The following SH3BP5 variants were observed in gnomAD, a reference collection of about 807,000 sequenced individuals.
SH3BP5 encodes the protein SH3 domain-binding protein 5.
A neutral mutation model predicts 43.3 loss-of-function variants in SH3BP5; 22 were observed. The observed-to-expected ratio is 0.51, with a 90% confidence interval of 0.36 to 0.73. SH3BP5 has a LOEUF of 0.73. SH3BP5 is among the 30% of genes least tolerant of loss of function. The probability of loss-of-function intolerance (pLI) is 0.00; values close to 1 mark genes in which losing one functional copy is unlikely to be tolerated. For missense variants in SH3BP5, 529 were observed against 586.9 expected (o/e 0.90, Z 1.02); for synonymous variants, 255 against 225.8 (o/e 1.13, Z -1.16).
intron 3 of SH3BP5, among the ~76,000 whole-genome samples, chr3:15,275,461 C>T (rs1287082331): frequency 6.6e-6 from 1 of 152,156 alleles, no homozygotes; most frequent in Admixed American, 6.5e-5. Flanking sequence ...AGGCCCCAGG[C>T]CCTGGTATTT....
At chr3:15,288,859 T>A (rs1480555912) in intron 3 of SH3BP5, among the ~76,000 whole-genome samples, 1 of 152,232 alleles carries the variant, frequency 6.6e-6, no homozygotes, top group Non-Finnish European at 1.5e-5. Flanking sequence ...AAAGTATGAA[T>A]GAATGGATTC....
chr3:15,298,848 G>C (rs1311434773), intron 3 of SH3BP5, among the ~76,000 whole-genome samples: 1 of 152,062 alleles, frequency 6.6e-6, no homozygotes, highest in Non-Finnish European at 1.5e-5. Context: ...TTTCAGTCTG[G>C]GAAGATGCAA....
At chr3:15,295,405 TC>T (rs1697540640) in intron 3 of SH3BP5, among the ~76,000 whole-genome samples, 1 of 152,208 alleles carries the variant, frequency 6.6e-6, no homozygotes, top group South Asian at 2.1e-4. Flanking sequence ...GTTTTGGCTC[TC>T]ATACTGTACA....
chr3:15,260,968 G>A (rs1209548845), intron 5 of SH3BP5, among the ~76,000 whole-genome samples: 1 of 152,162 alleles, frequency 6.6e-6, no homozygotes, highest in Non-Finnish European at 1.5e-5. Flanking sequence ...TGAATTCGGG[G>A]TCTTTTGAGA....
intron 2 of SH3BP5, among the ~76,000 whole-genome samples, chr3:15,325,823 C>T (rs1216560205): frequency 6.6e-6 from 1 of 152,152 alleles, no homozygotes; most frequent in African/African-American, 2.4e-5. Context: ...GAGTTTGAAA[C>T]CGGCCTGGCC....
intron 3 of SH3BP5, among the ~76,000 whole-genome samples, chr3:15,299,280 A>T (rs1559446748): frequency 6.6e-6 from 1 of 152,130 alleles, no homozygotes; most frequent in Non-Finnish European, 1.5e-5. Context: ...AAAACTCTCA[A>T]ATCAAAGCCA....
At chr3:15,267,968 G>A (rs1173610790) in intron 4 of SH3BP5, among the ~76,000 whole-genome samples, 1 of 152,218 alleles carries the variant, frequency 6.6e-6, no homozygotes, top group Non-Finnish European at 1.5e-5. Flanking sequence ...TAATTTCTTG[G>A]AAGAAGCTAC....
intron 1 of SH3BP5, among the ~76,000 whole-genome samples, chr3:15,337,758 A>G (rs1025757993): frequency 6.7e-6 from 1 of 150,356 alleles, no homozygotes; most frequent in African/African-American, 2.4e-5. Flanking sequence ...CCAAAAAAAA[A>G]TTTTTAATTA....
In SH3BP5 at chr3:15,314,640, A is replaced by G. The variant is rs566583474; in HGVS notation, c.202-10409T>C. Among the ~76,000 whole-genome samples the G allele has an allele frequency of 3.9e-5, 6 of 152,364 alleles. No individual in the cohort carries two copies. In the South Asian group the frequency reaches 1.0e-3, roughly 26 times the overall value. On this transcript the variant is annotated intron_variant, in intron 2 of 8. Coordinates refer to ENST00000383791, the MANE Select transcript of SH3BP5 (RefSeq NM_004844.5). ...GGAGCCAGCCACAACACTCCTGCTC[A>G]TGGCATAGGCCCAATTCCACAGCAG...
At chr3:15,313,689 C>T (rs557216975) in intron 2 of SH3BP5, among the ~76,000 whole-genome samples, 4 of 152,324 alleles carry the variant, frequency 2.6e-5, no homozygotes, top group East Asian at 3.9e-4. Flanking sequence ...TGCTGGCTGA[C>T]GGAACTTCTG....
chr3:15,304,077 G>C, intron 3 of SH3BP5, 26 bp downstream of exon 3: 2 of 1,599,894 alleles, frequency 1.3e-6, no homozygotes, highest in Non-Finnish European at 1.7e-6. Context: ...CTCGAGGTAG[G>C]GGAGACATCT....
intron 3 of SH3BP5, among the ~76,000 whole-genome samples, chr3:15,279,724 C>A (rs1395593371): frequency 6.6e-6 from 1 of 152,098 alleles, no homozygotes; most frequent in Non-Finnish European, 1.5e-5. Flanking sequence ...GCAAGACAAT[C>A]CCTACTGCCA....
intron 2 of SH3BP5, among the ~76,000 whole-genome samples, chr3:15,310,148 G>C (rs560904829): frequency 6.6e-6 from 1 of 152,260 alleles, no homozygotes; most frequent in East Asian, 1.9e-4. Context: ...CGATGAGCAG[G>C]GGCGATAGAC....
At chr3:15,324,706 G>C (rs1698416376) in intron 2 of SH3BP5, among the ~76,000 whole-genome samples, 1 of 152,136 alleles carries the variant, frequency 6.6e-6, no homozygotes, top group Non-Finnish European at 1.5e-5. Flanking sequence ...AAAGTGCTGG[G>C]ACGTATCACT....
upstream of SH3BP5, among the ~76,000 whole-genome samples, chr3:15,336,315 T>C (rs763361123): frequency 3.3e-5 from 5 of 151,664 alleles, no homozygotes; most frequent in Non-Finnish European, 7.4e-5. Flanking sequence ...GGGAGGGAGA[T>C]GAAATCAGAG....
intron 3 of SH3BP5, among the ~76,000 whole-genome samples, chr3:15,280,294 C>G (rs564851376): frequency 6.6e-6 from 1 of 152,122 alleles, no homozygotes; most frequent in Non-Finnish European, 1.5e-5. Context: ...CACCTTCATG[C>G]TCTAGCAGTG....
intron 3 of SH3BP5, among the ~76,000 whole-genome samples, chr3:15,286,047 A>C (rs1321005291): frequency 1.3e-5 from 2 of 152,234 alleles, no homozygotes; most frequent in Non-Finnish European, 2.9e-5. Context: ...CATATGAAAA[A>C]TCTGAGGGAT....
chr3:15,302,458 T>C (rs1559448373), intron 3 of SH3BP5, among the ~76,000 whole-genome samples: 1 of 152,118 alleles, frequency 6.6e-6, no homozygotes, highest in African/African-American at 2.4e-5. Flanking sequence ...AGGCAGCCAC[T>C]CTGTCTAGGA....
chr3:15,305,604 A>G (rs1697881052), intron 2 of SH3BP5, among the ~76,000 whole-genome samples: 1 of 152,220 alleles, frequency 6.6e-6, no homozygotes, highest in African/African-American at 2.4e-5. Context: ...TCTAAACAGA[A>G]GTCCAAAGCA....
Sources: allele counts gnomAD v4.1 joint callset (sites outside exome capture counted in the v4.1 genomes callset), GRCh38; gene constraint gnomAD v4.1.1; transcripts MANE v1.5; gene names NCBI Gene and HGNC (gene_info 2026-07-23, HGNC 2026-07-21).